The following FDFT1 variants were observed in gnomAD, a reference collection of about 807,000 sequenced individuals.
FDFT1 encodes the protein farnesyl-diphosphate farnesyltransferase 1.
A neutral mutation model predicts 46.8 loss-of-function variants in FDFT1; 68 were observed. The ratio of observed to expected loss-of-function variants is 1.45; its 90% CI spans 1.19 to 1.78. The LOEUF (loss-of-function observed/expected upper bound fraction) is 1.78. FDFT1 is among the 40% of genes most tolerant of loss of function. The pLI is 0.00. For missense variants in FDFT1, 928 were observed against 524.4 expected, an observed-to-expected ratio of 1.77 and a Z score of -7.52; for synonymous variants, 351 against 185.1, an observed-to-expected ratio of 1.90 and a Z score of -7.28.
intron 5 of FDFT1, among the ~76,000 whole-genome samples, chr8:11,829,843 TG>T (rs1425287014): frequency 3.3e-5 from 5 of 151,528 alleles, no homozygotes; most frequent in African/African-American, 1.2e-4. Flanking sequence ...TGTTTTTTTT[TG>T]TTTTGTTTTG....
chr8:11,821,824 T>A lies in FDFT1; in HGVS notation c.456T>A (p.Ile152=). ...VIADICRRMG[I]GMAEFLDKHV... ...CCGACATTTGCCGGAGAATGGGCATTGGGATGGCAGAGTTTTTGGATAAGC... is the reference window on the plus strand; with the variant it reads ...CCGACATTTGCCGGAGAATGGGCATAGGGATGGCAGAGTTTTTGGATAAGC... The change falls in exon 4 of 8, where the codon ATT becomes ATA. Residue 152 remains isoleucine (I), a synonymous_variant. Coordinates refer to ENST00000220584, the MANE Select transcript of FDFT1 (RefSeq NM_004462.5). The A allele has an allele frequency of 6.2e-7, 1 of 1,613,698 alleles. No homozygotes were observed. The highest frequency in any genetic ancestry group is 8.5e-7 in the Non-Finnish European group (1 of 1,179,710).
At chr8:11,804,926 G>GA (rs1255508069) in intron 1 of FDFT1, among the ~76,000 whole-genome samples, 44 of 37,776 alleles carry the variant, frequency 1.2e-3, no homozygotes, top group Non-Finnish European at 2.2e-3. Context: ...TTTTTTTTTT[G>GA]AGGGGGGGGT....
At chr8:11,799,696 C>T (rs571225413), upstream of FDFT1, among the ~76,000 whole-genome samples, 16 of 151,324 alleles carry the variant, frequency 1.1e-4, no homozygotes, top group Middle Eastern at 0.011. Context: ...GCCTGTAATC[C>T]CAGTACCTGG....
intron 4 of FDFT1, among the ~76,000 whole-genome samples, chr8:11,823,575 AGAC>A (rs1043495385): frequency 7.9e-5 from 12 of 151,714 alleles, no homozygotes; most frequent in Non-Finnish European, 7.4e-5. Flanking sequence ...TTTCAGTCAG[AGAC>A]GACTTTTTTT....
chr8:11,808,617 G>A (rs1322330904), intron 1 of FDFT1, 177 bp from the exon 2 acceptor site: 5 of 1,389,372 alleles, frequency 3.6e-6, no homozygotes, highest in Non-Finnish European at 3.7e-6. Context: ...CGCAGGCACC[G>A]CCCCGCGGGG....
At chr8:11,800,858 A>C (rs1585836184), upstream of FDFT1, among the ~76,000 whole-genome samples, 1 of 152,180 alleles carries the variant, frequency 6.6e-6, no homozygotes, top group East Asian at 1.9e-4. Flanking sequence ...GCTGGAAACT[A>C]AGTTTTTAAG....
At chr8:11,821,613 AAAATG>A (rs1809257219) in intron 3 of FDFT1, 132 bp from the exon 4 acceptor site, 2 of 1,052,132 alleles carry the variant, frequency 1.9e-6, no homozygotes, top group Non-Finnish European at 2.8e-6. Flanking sequence ...AAAAACAAAA[AAAATG>A]TGTGACCTAA....
chr8:11,828,538 A>G (rs752080944), intron 5 of FDFT1, among the ~76,000 whole-genome samples: 8 of 152,190 alleles, frequency 5.3e-5, no homozygotes, highest in Non-Finnish European at 8.8e-5. Flanking sequence ...CCACTGTTCC[A>G]TTGTCTCCCA....
intron 3 of FDFT1, among the ~76,000 whole-genome samples, chr8:11,813,325 A>G (rs1413451001): frequency 1.3e-5 from 2 of 152,254 alleles, no homozygotes; most frequent in Non-Finnish European, 2.9e-5. Context: ...TTAAATGATA[A>G]TAGCAATAAT....
In FDFT1 at chr8:11,821,836, G is replaced by C. The variant is rs900291770; in HGVS notation, c.468G>C (p.Glu156Asp). The C allele has an allele frequency of 1.9e-6, 3 of 1,613,710 alleles. No individual in the cohort carries two copies. The highest frequency in any genetic ancestry group is 2.5e-6 in the Non-Finnish European group (3 of 1,179,650). ...ICRRMGIGMA[E>D]FLDKHVTSEQ... ...GGAGAATGGGCATTGGGATGGCAGAGTTTTTGGATAAGCATGTGACCTCTG... is the reference window on the plus strand; with the variant it reads ...GGAGAATGGGCATTGGGATGGCAGACTTTTTGGATAAGCATGTGACCTCTG... Residue 156 changes from glutamate (E) to aspartate (D), a missense_variant, in exon 4 of 8, where the codon GAG (glutamate) becomes GAC (aspartate). Coordinates refer to ENST00000220584, the MANE Select transcript of FDFT1 (RefSeq NM_004462.5).
At chr8:11,821,937 T>C (rs1036229108) in intron 4 of FDFT1, 59 bp downstream of exon 4, 4 of 1,582,432 alleles carry the variant, frequency 2.5e-6, no homozygotes, top group Non-Finnish European at 3.5e-6. Flanking sequence ...GCAGTCCTCA[T>C]AGTGAAGCTC....
At chr8:11,823,626 A>T (rs549309590) in intron 4 of FDFT1, among the ~76,000 whole-genome samples, 24 of 152,058 alleles carry the variant, frequency 1.6e-4, no homozygotes, top group African/African-American at 4.8e-4. Context: ...CCAGACTGGA[A>T]TGCAGTGGCA....
Position 11,825,110 on chromosome 8 carries a change from G to A in FDFT1, c.511-914G>A, listed in dbSNP as rs192453113. Among the ~76,000 whole-genome samples the A allele has an allele frequency of 1.1e-3, 163 of 152,326 alleles. 2 individuals are homozygous for A. The South Asian group carries it at 0.016, about 15-fold the overall frequency. On this transcript the variant is annotated intron_variant, in intron 4 of 7. Transcript: ENST00000220584. ...TTCTTTCATATAATGATGATTTTGA[G>A]GGCCTGCGGATCTTGACATGTTATC... is the stretch of plus-strand genomic sequence containing the variant.
rs139749047 is a variant in FDFT1, at chr8:11,838,480, G to A, written c.1125G>A (p.Gln375=). ...GGACGCAGAATCTTCCCAACTGTCA[G>A]CTGATTTCCCGAAGCCACTACTCCC... ...TIRTQNLPNC[Q]LISRSHYSPI... is the part of the protein sequence containing the mutation. The change falls in exon 8 of 8, where the codon CAG becomes CAA. Residue 375 remains glutamine, a synonymous_variant. Coordinates refer to ENST00000220584, the MANE Select transcript of FDFT1 (RefSeq NM_004462.5). 3 of 1,605,806 alleles carry A rather than the reference G, an allele frequency of 1.9e-6. No individual in the cohort carries two copies. The highest frequency in any genetic ancestry group is 1.7e-4 in the Middle Eastern group (1 of 6,024).
At chr8:11,805,371 A>G (rs1806699942) in intron 1 of FDFT1, among the ~76,000 whole-genome samples, 1 of 152,224 alleles carries the variant, frequency 6.6e-6, no homozygotes, top group African/African-American at 2.4e-5. Context: ...CTACGGGCAT[A>G]TGCCGCCTGC....
upstream of FDFT1, among the ~76,000 whole-genome samples, chr8:11,797,258 C>T (rs1029683606): frequency 3.3e-5 from 5 of 152,292 alleles, no homozygotes; most frequent in African/African-American, 1.2e-4. Flanking sequence ...GTTCCTTGGA[C>T]TGCCTGCAGC....
At chr8:11,822,768 A>T (rs900532346) in intron 4 of FDFT1, among the ~76,000 whole-genome samples, 1 of 152,222 alleles carries the variant, frequency 6.6e-6, no homozygotes, top group Admixed American at 6.5e-5. Context: ...GTGAGCCATG[A>T]TTGTGCCACT....
intron 3 of FDFT1, among the ~76,000 whole-genome samples, chr8:11,816,566 T>C (rs60817404): frequency 0.055 from 8,374 of 152,202 alleles, 413 homozygotes; most frequent in African/African-American, 0.13. Flanking sequence ...TGTAGTTCTC[T>C]TTGAAGAGGT....
chr8:11,804,933 G>GA (rs1242503534), intron 1 of FDFT1, among the ~76,000 whole-genome samples: 3 of 145,552 alleles, frequency 2.1e-5, no homozygotes, highest in Non-Finnish European at 3.0e-5. Context: ...TTTGAGGGGG[G>GA]GGTCTCACTC....
Sources: gnomAD v4.1 joint callset for allele counts (sites outside exome capture counted in the v4.1 genomes callset) on GRCh38, gnomAD v4.1.1 for gene constraint, MANE v1.5 for transcripts, NCBI Gene and HGNC (gene_info 2026-07-23, HGNC 2026-07-21) for gene names.